The following SSBP2 variants were observed in gnomAD, a reference collection of about 807,000 sequenced individuals.
SSBP2 encodes the protein single-stranded DNA-binding protein 2.
A neutral mutation model predicts 61.8 loss-of-function variants in SSBP2; 17 were observed. That is an observed-to-expected ratio of 0.28 (90% CI 0.19 to 0.41). SSBP2 has a LOEUF of 0.41. Ranked by LOEUF, SSBP2 falls within the 10% of genes least tolerant of loss-of-function variation. The pLI, the probability that SSBP2 is intolerant of heterozygous loss-of-function variation, is 1.00. For synonymous variants in SSBP2, 139 were observed against 141.3 expected (o/e 0.98, Z 0.12); for missense variants, 310 against 458.7 (o/e 0.68, Z 2.96).
chr5:81,705,458 C>T (rs1020205694), intron 1 of SSBP2, among the ~76,000 whole-genome samples: 2 of 152,054 alleles, frequency 1.3e-5, no homozygotes, highest in Non-Finnish European at 2.9e-5. Context: ...TTTTATTCTA[C>T]ACAATTTTCC....
chr5:81,452,972 G>A (rs1293323467), intron 10 of SSBP2, among the ~76,000 whole-genome samples: 1 of 151,040 alleles, frequency 6.6e-6, no homozygotes, highest in South Asian at 2.1e-4. Context: ...AAGCAGCCAA[G>A]AAATGTAATT....
chr5:81,470,492 G>T (rs1464655684), intron 8 of SSBP2, among the ~76,000 whole-genome samples: 2 of 150,848 alleles, frequency 1.3e-5, no homozygotes, highest in East Asian at 3.9e-4. Context: ...CACGCATTAA[G>T]TATTAATCAC....
At chr5:81,524,254 C>T (rs889413997) in intron 4 of SSBP2, among the ~76,000 whole-genome samples, 1 of 151,982 alleles carries the variant, frequency 6.6e-6, no homozygotes, top group African/African-American at 2.4e-5. Context: ...CTCACTGATT[C>T]CTACAACTAC....
chr5:81,624,154 T>C (rs1208548489), intron 3 of SSBP2, among the ~76,000 whole-genome samples: 4 of 152,164 alleles, frequency 2.6e-5, no homozygotes, highest in Admixed American at 6.5e-5. Flanking sequence ...ATTAAGTCTA[T>C]AATAATCTAG....
chr5:81,747,034 G>GA (rs397998395), intron 1 of SSBP2, among the ~76,000 whole-genome samples: 3 of 112,260 alleles, frequency 2.7e-5, no homozygotes, highest in Admixed American at 2.1e-4. Flanking sequence ...GGGGGGGGGG[G>GA]AATCTGAAGA....
intron 1 of SSBP2, among the ~76,000 whole-genome samples, chr5:81,690,673 G>A (rs1423933266): frequency 6.6e-6 from 1 of 151,980 alleles, no homozygotes; most frequent in Non-Finnish European, 1.5e-5. Context: ...AGATCGTTCA[G>A]ACAAAAAAAG....
intron 4 of SSBP2, among the ~76,000 whole-genome samples, chr5:81,533,367 G>C (rs1368253003): frequency 6.6e-6 from 1 of 151,658 alleles, no homozygotes; most frequent in Non-Finnish European, 1.5e-5. Flanking sequence ...AAATTTGTGG[G>C]GTAAAGCTAA....
intron 5 of SSBP2, among the ~76,000 whole-genome samples, chr5:81,510,171 A>G (rs1319594039): frequency 6.6e-6 from 1 of 152,066 alleles, no homozygotes; most frequent in Non-Finnish European, 1.5e-5. Context: ...TTTTATCTCT[A>G]GTTTAGATTA....
rs1051212987 is a variant in SSBP2 at position 81,430,080 on chromosome 5, A to G, written c.958-1397T>C. Among the ~76,000 whole-genome samples, 8 of 152,206 alleles carry G rather than the reference A, an allele frequency of 5.3e-5. No homozygotes were observed. The East Asian group carries it at 5.8e-4, about 11-fold the overall frequency. On this transcript the variant is annotated intron_variant, in intron 15 of 16. Transcript: ENST00000320672. ...AATCTGAATATCTTGATTTCCTGGG[A>G]AAAAAATTAAGTAAAATTTAACTAA...
rs758786150 is a variant in SSBP2 at position 81,428,648 on chromosome 5, C to T, written c.993G>A (p.Pro331=). The T allele has an allele frequency of 9.3e-6, 15 of 1,613,052 alleles. No homozygotes were observed. In the South Asian group the frequency reaches 1.2e-4, roughly 13 times the overall value. Reference sequence around the variant, plus strand: ...TTTCGCCATCATCCCTTGGAGTGCCCGGTTGATTACTCAGGCTCATATTAT... The same window carrying T: ...TTTCGCCATCATCCCTTGGAGTGCCTGGTTGATTACTCAGGCTCATATTAT... Residue 331 remains proline, a synonymous_variant, in exon 16 of 17, where the codon CCG becomes CCA. Transcript: ENST00000320672.
intron 1 of SSBP2, among the ~76,000 whole-genome samples, chr5:81,706,432 A>G (rs1365310079): frequency 1.3e-5 from 2 of 152,204 alleles, no homozygotes; most frequent in East Asian, 3.8e-4. Context: ...TCAGCATCAC[A>G]TAATATATCC....
In SSBP2 at chr5:81,415,251, A is replaced by G. The variant is rs1447477999; in HGVS notation, c.*5253T>C. 6.6e-6 allele frequency: 1 copy of G among 152,188 alleles called. No homozygotes were observed. The highest frequency in any genetic ancestry group is 1.9e-4 in the East Asian group (1 of 5,188). 9.4% of individuals were successfully genotyped at this position (152,188 alleles called of 1,614,324 possible). On this transcript the variant is annotated 3_prime_UTR_variant, in exon 17 of 17. Transcript: ENST00000320672. ...ATACATTCACTGGCCACTTGTATCGATTAATGTTTTCAAAGACAGAGAACT... is the reference window on the plus strand; with the variant it reads ...ATACATTCACTGGCCACTTGTATCGGTTAATGTTTTCAAAGACAGAGAACT...
intron 9 of SSBP2, among the ~76,000 whole-genome samples, chr5:81,465,640 C>G (rs572127166): frequency 6.6e-6 from 1 of 152,094 alleles, no homozygotes; most frequent in East Asian, 1.9e-4. Flanking sequence ...ACATGGTATT[C>G]AACATCATAC....
chr5:81,689,119 T>C lies in SSBP2; in HGVS notation c.63-38780A>G, dbSNP rs569192121. On this transcript the variant is annotated intron_variant, in intron 1 of 16. Coordinates refer to ENST00000320672, the MANE Select transcript of SSBP2 (RefSeq NM_012446.5). ...GTATCAGAGTCTCTTAACACCAGAA[T>C]TGATCAAGCAGAAGAACAAATTAGT... Among the ~76,000 whole-genome samples the C allele has an allele frequency of 4.6e-5, 7 of 151,764 alleles. 1 individual carries two copies. The East Asian group carries it at 9.8e-4, about 21-fold the overall frequency.
intron 4 of SSBP2, among the ~76,000 whole-genome samples, chr5:81,596,122 T>A (rs1743722245): frequency 6.6e-6 from 1 of 152,174 alleles, no homozygotes; most frequent in African/African-American, 2.4e-5. Context: ...CTCAAGCTGA[T>A]AAGCAACTTC....
chr5:81,463,365 T>C lies in SSBP2; in HGVS notation c.639-2262A>G, dbSNP rs149632895. On this transcript the variant is annotated intron_variant, in intron 9 of 16. Transcript: ENST00000320672. ...GAATTATTTTGAATGAAAATTTCTATATAAGTATGGTTTGAAGTAGAATCA... is the reference window on the plus strand; with the variant it reads ...GAATTATTTTGAATGAAAATTTCTACATAAGTATGGTTTGAAGTAGAATCA... Among the ~76,000 whole-genome samples the C allele has an allele frequency of 5.9e-5, 9 of 152,310 alleles. No homozygotes were observed. In the East Asian group the frequency reaches 1.7e-3, roughly 29 times the overall value.
intron 4 of SSBP2, among the ~76,000 whole-genome samples, chr5:81,526,499 T>C (rs2154099843): frequency 6.6e-6 from 1 of 152,168 alleles, no homozygotes; most frequent in African/African-American, 2.4e-5. Context: ...TGGTATAGTG[T>C]TATGAAATAC....
chr5:81,496,526 G>C (rs1263020438), intron 5 of SSBP2, among the ~76,000 whole-genome samples: 1 of 152,086 alleles, frequency 6.6e-6, no homozygotes, highest in Non-Finnish European at 1.5e-5. Flanking sequence ...CCAGGTTTAA[G>C]AAAATATAAA....
intron 10 of SSBP2, among the ~76,000 whole-genome samples, chr5:81,459,944 A>G (rs1053262608): frequency 1.2e-4 from 18 of 152,376 alleles, no homozygotes; most frequent in African/African-American, 4.3e-4. Context: ...TGGAAGCAAC[A>G]TCATTCTTTT....
Sources: allele counts gnomAD v4.1 joint callset (sites outside exome capture counted in the v4.1 genomes callset), GRCh38; gene constraint gnomAD v4.1.1; transcripts MANE v1.5; gene names NCBI Gene and HGNC (gene_info 2026-07-23, HGNC 2026-07-21).